Variants in NOC2L observed in about 807,000 individuals in gnomAD.
NOC2L encodes nucleolar complex protein 2 homolog.
NOC2L carries 101 observed loss-of-function variants against 94.2 expected under a neutral mutation model. The observed-to-expected ratio is 1.07, with a 90% confidence interval of 0.91 to 1.26. The LOEUF (loss-of-function observed/expected upper bound fraction) is 1.26. Ranked by LOEUF, NOC2L falls within the 50% of genes most tolerant of loss-of-function variation. NOC2L has a pLI of 0.00. For synonymous variants in NOC2L, 531 were observed against 413.4 expected (o/e 1.28, Z -3.45); for missense variants, 1,076 against 980.1 (o/e 1.10, Z -1.31).
In NOC2L at chr1:948,182, G is replaced by A. The variant is rs112611191; in HGVS notation, c.1608C>T (p.Ser536=). 8 of 1,591,234 alleles carry A rather than the reference G, an allele frequency of 5.0e-6. No homozygotes were observed. The African/African-American group carries it at 9.4e-5, about 19-fold the overall frequency. ...CCGGGAAGCCGATGCAGTGTGCCTG[G>A]CTGTGCAGGTACTCCAGGGTGAGGT... ...LYDLTLEYLH[S]QAHCIGFPEL... The change falls in exon 14 of 19, where the codon AGC becomes AGT. Residue 536 remains serine, a synonymous_variant. Coordinates refer to ENST00000327044, the MANE Select transcript of NOC2L (RefSeq NM_015658.4).
At chr1:951,894 A>G (rs1055378577) in intron 11 of NOC2L, 106 bp downstream of exon 11, 4 of 1,294,758 alleles carry the variant, frequency 3.1e-6, no homozygotes, top group Admixed American at 4.7e-5. Flanking sequence ...GCCAGGACAC[A>G]GACTCAGGCC....
chr1:955,857 G>A (rs1337857688), intron 6 of NOC2L, 66 bp downstream of exon 6: 10 of 1,362,872 alleles, frequency 7.3e-6, no homozygotes, highest in African/African-American at 5.7e-5. Flanking sequence ...CAAGGCCTCT[G>A]GCTTCTCCTG....
chr1:950,522 C>T (rs1185389242), intron 12 of NOC2L, among the ~76,000 whole-genome samples: 1 of 151,986 alleles, frequency 6.6e-6, no homozygotes, highest in African/African-American at 2.4e-5. Flanking sequence ...CAGGTGCACA[C>T]ACGCAAAGGT....
At position 945,178 on chromosome 1, in the gene NOC2L, C is replaced by T. The variant is rs368175155; in HGVS notation, c.2054-32G>A. On this transcript the variant is annotated intron_variant, in intron 17 of 18. Transcript: ENST00000327044. ...AACAAGAAGCAGAGTCCATATGACT[C>T]CCACCCACAGGGTCCACCAGCAAAG... 5.8e-6 allele frequency: 9 copies of T among 1,563,930 alleles called. No homozygotes were observed. The African/African-American group carries it at 1.1e-4, about 19-fold the overall frequency.
intron 18 of NOC2L, 125 bp downstream of exon 18, chr1:944,931 AT>A: frequency 6.7e-7 from 1 of 1,497,706 alleles, no homozygotes; most frequent in Non-Finnish European, 9.1e-7. Flanking sequence ...AGAACAGAGC[AT>A]TTGGCCTGGC....
At chr1:951,369 C>T in intron 11 of NOC2L, 131 bp from the exon 12 acceptor site, 1 of 699,838 alleles carries the variant, frequency 1.4e-6, no homozygotes, top group Non-Finnish European at 2.5e-6. Context: ...ACGTCTGAAC[C>T]CCAGGGACCT....
In NOC2L at chr1:956,124, G is replaced by C; in HGVS notation, c.578C>G (p.Ala193Gly). The change falls in exon 5 of 19, where the codon GCC becomes GGC. Residue 193 changes from alanine (A) to glycine (G), a missense_variant. By Grantham distance (60) the Ala-to-Gly change is moderately conservative. Transcript: ENST00000327044. The part of the protein sequence containing the change: ...TTRGDQESAE[A>G]NKFQVTDSAA... ...ACTGTCCGTGACCTGGAATTTGTTGGCCTCAGCACTTTCCTGGTCCCCTCG... is the reference window on the plus strand; with the variant it reads ...ACTGTCCGTGACCTGGAATTTGTTGCCCTCAGCACTTTCCTGGTCCCCTCG... The C allele has an allele frequency of 6.2e-7, 1 of 1,614,016 alleles. No homozygotes were observed. Among genetic ancestry groups the C allele is most frequent in the Non-Finnish European group, 8.5e-7 (1 of 1,180,020 alleles).
At chr1:947,649 C>G (rs1042846527) in intron 14 of NOC2L, among the ~76,000 whole-genome samples, 1 of 152,202 alleles carries the variant, frequency 6.6e-6, no homozygotes, top group Non-Finnish European at 1.5e-5. Flanking sequence ...CCCACTCCTG[C>G]CTAAGATGAG....
rs1278053687 is a variant in NOC2L, at chr1:944,728, T to C, written c.2216A>G (p.Glu739Gly). The change falls in exon 19 of 19, where the codon GAG (glutamate) becomes GGG (glycine). Residue 739 changes from glutamate (E) to glycine (G), a missense_variant. Glu to Gly is a moderately conservative substitution (Grantham distance 98). This residue lies in a region of NOC2L where 615 missense variants were observed against 577.4 expected (regional missense o/e 1.07). Coordinates refer to ENST00000327044, the MANE Select transcript of NOC2L (RefSeq NM_015658.4). ...LQQLAQGPED[E>G]LEDLQLSEDD is the part of the protein sequence containing the mutation. ...CTCTGAGAGCTGCAGATCCTCCAGC[T>C]CGTCCTCCGGCCCCTGGGCCAGCTG... The C allele has an allele frequency of 1.2e-6, 2 of 1,600,700 alleles. No individual in the cohort carries two copies. The highest frequency in any genetic ancestry group is 1.7e-5 in the Admixed American group (1 of 59,862).
chr1:956,794 G>C, intron 4 of NOC2L, 100 bp downstream of exon 4: 1 of 1,540,776 alleles, frequency 6.5e-7, no homozygotes, highest in Non-Finnish European at 8.8e-7. Flanking sequence ...ATCTCTGCCT[G>C]GGCACCCAGC....
Position 944,695 on chromosome 1 carries a change from C to T in NOC2L, c.2249G>A (p.Ter750=). 2.5e-6 allele frequency: 4 copies of T among 1,592,070 alleles called. No individual in the cohort carries two copies. The highest frequency in any genetic ancestry group is 3.4e-6 in the Non-Finnish European group (4 of 1,173,622). Residue 750 remains the stop codon, a stop_retained_variant, in exon 19 of 19, where the codon TGA becomes TAA. Transcript: ENST00000327044. The part of the protein sequence containing the change: ...LEDLQLSEDD[*] ...TACAGGCCCCCCAGATGGGCTGCCT[C>T]AGTCGTCCTCTGAGAGCTGCAGATC...
rs770316648 is a variant in NOC2L at position 944,814 on chromosome 1, TGGA to T, written c.2144-17_2144-15del. On this transcript the variant is annotated splice_polypyrimidine_tract_variant and intron_variant, in intron 18 of 18. Transcript: ENST00000327044. ...CTGGGTCTCCATCTGCGGGGAGAGA[TGGA>T]GGCTACATAAATTTTGCTTTATCAG... 4 of 1,529,122 alleles carry T rather than the reference TGGA, an allele frequency of 2.6e-6. No individual in the cohort carries two copies. In the East Asian group the frequency reaches 9.1e-5, roughly 35 times the overall value. 94.7% of individuals were successfully genotyped at this position (1,529,122 alleles called of 1,614,324 possible). A position where few individuals can be genotyped will look rare whatever the true frequency, so the allele number is the denominator to read the frequency against.
At chr1:950,296 C>A (rs4970377) in intron 12 of NOC2L, among the ~76,000 whole-genome samples, 137,565 of 152,004 alleles carry the variant, frequency 0.91, 62,477 homozygotes, top group Non-Finnish European at 0.94. Flanking sequence ...TAGGTGCACA[C>A]AGGTACATAG....
Position 944,305 on chromosome 1 carries a change from T to C in NOC2L, c.*389A>G, listed in dbSNP as rs1464445899. The C allele has an allele frequency of 1.4e-6, 2 of 1,391,940 alleles. No individual in the cohort carries two copies. The highest frequency in any genetic ancestry group is 9.3e-7 in the Non-Finnish European group (1 of 1,078,350). 86.2% of individuals were successfully genotyped at this position (1,391,940 alleles called of 1,614,324 possible). ...GTGACTTCAAAGGAAAGGAACAAAT[T>C]TTCAAAGACTTGGGGGAGTGAAGGC... On this transcript the variant is annotated 3_prime_UTR_variant, in exon 19 of 19. Coordinates refer to ENST00000327044, the MANE Select transcript of NOC2L (RefSeq NM_015658.4).
Position 948,252 on chromosome 1 carries a change from G to A in NOC2L, c.1558-20C>T, listed in dbSNP as rs142445729. On this transcript the variant is annotated intron_variant, in intron 13 of 18. Coordinates refer to ENST00000327044, the MANE Select transcript of NOC2L (RefSeq NM_015658.4). ...GCCGTCCTGAAGAGCAGGAGAGAGGGCCGAGTGCATCAGGGAGAGGCTGGG... is the reference window on the plus strand; with the variant it reads ...GCCGTCCTGAAGAGCAGGAGAGAGGACCGAGTGCATCAGGGAGAGGCTGGG... The A allele has an allele frequency of 2.8e-4, 430 of 1,548,838 alleles. 1 individual carries two copies. In the South Asian group the frequency reaches 2.8e-3, roughly 10 times the overall value.
At chr1:958,014 G>C (rs1642462064) in intron 2 of NOC2L, 1 of 147,610 alleles carries the variant, frequency 6.8e-6, no homozygotes, top group South Asian at 2.1e-4. Flanking sequence ...TGGCCTCCTT[G>C]TTCGAGGTCT....
chr1:954,872 A>G (rs185038034), intron 6 of NOC2L, among the ~76,000 whole-genome samples: 94 of 152,242 alleles, frequency 6.2e-4, no homozygotes, highest in Non-Finnish European at 1.1e-3. Flanking sequence ...AAACAAAACA[A>G]AACATTTACC....
At chr1:955,527 G>A (rs1642375997) in intron 6 of NOC2L, among the ~76,000 whole-genome samples, 1 of 152,208 alleles carries the variant, frequency 6.6e-6, no homozygotes, top group Non-Finnish European at 1.5e-5. Context: ...TGAGGCCCCT[G>A]TCTACAGACA....
intron 5 of NOC2L, 39 bp downstream of exon 5, chr1:956,056 C>A (rs1297564496): frequency 6.2e-7 from 1 of 1,614,100 alleles, no homozygotes; most frequent in South Asian, 1.1e-5. Context: ...ACAGAGAACG[C>A]AACAGACAGC....
Sources: allele counts gnomAD v4.1 joint callset (sites outside exome capture counted in the v4.1 genomes callset), GRCh38; gene constraint gnomAD v4.1.1; regional missense constraint gnomAD v4.1.1; transcripts MANE v1.5; gene names NCBI Gene and HGNC (gene_info 2026-07-23, HGNC 2026-07-21).